CWC22: variants seen among roughly 807,000 people sequenced by gnomAD.
CWC22 encodes the protein CWC22 spliceosome associated protein.
CWC22 carries 53 observed loss-of-function variants against 117.2 expected under a neutral mutation model. That is an observed-to-expected ratio of 0.45 (90% CI 0.36 to 0.57). CWC22 has a LOEUF of 0.57. CWC22 is among the 20% of genes least tolerant of loss of function. CWC22 has a pLI of 0.00. For missense variants in CWC22, 980 were observed against 1,068.8 expected (o/e 0.92, Z 1.16); for synonymous variants, 360 against 355.6 (o/e 1.01, Z -0.14).
intron 5 of CWC22, among the ~76,000 whole-genome samples, chr2:179,979,882 T>C (rs1687245560): frequency 6.6e-6 from 1 of 152,202 alleles, no homozygotes; most frequent in Admixed American, 6.5e-5. Context: ...AATACAATTA[T>C]ACATCCTAAT....
At chr2:179,997,819 A>C (rs1687745875) in intron 1 of CWC22, among the ~76,000 whole-genome samples, 1 of 152,220 alleles carries the variant, frequency 6.6e-6, no homozygotes. Flanking sequence ...TCTAGGTATA[A>C]GAAACAAATC....
intron 11 of CWC22, among the ~76,000 whole-genome samples, chr2:179,968,778 G>A (rs1196889487): frequency 6.6e-6 from 1 of 151,868 alleles, no homozygotes; most frequent in Non-Finnish European, 1.5e-5. Context: ...ATGTTGGTCA[G>A]ACTAGTCTCG....
At chr2:179,977,415 G>A (rs1687178716) in intron 6 of CWC22, among the ~76,000 whole-genome samples, 1 of 152,150 alleles carries the variant, frequency 6.6e-6, no homozygotes, top group Non-Finnish European at 1.5e-5. Flanking sequence ...TGTCATTTGG[G>A]AAAACACAGG....
intron 13 of CWC22, among the ~76,000 whole-genome samples, chr2:179,962,475 G>C (rs17778665): frequency 0.15 from 22,158 of 151,948 alleles, 1,993 homozygotes; most frequent in Admixed American, 0.29. Context: ...TTACAGTTAA[G>C]AAAATACTAC....
At chr2:179,956,846 A>T (rs1237579020) in intron 14 of CWC22, among the ~76,000 whole-genome samples, 2 of 152,008 alleles carry the variant, frequency 1.3e-5, no homozygotes, top group African/African-American at 2.4e-5. Context: ...TAAACAACAA[A>T]ACATGGTAAT....
At chr2:179,950,350 A>G (rs766461902) in intron 19 of CWC22, among the ~76,000 whole-genome samples, 162 bp downstream of exon 19, 20 of 152,198 alleles carry the variant, frequency 1.3e-4, no homozygotes, top group Non-Finnish European at 2.6e-4. Flanking sequence ...ATGTTGTATT[A>G]CAGACTGCAA....
At chr2:179,979,727 A>C (rs1687241537) in intron 5 of CWC22, among the ~76,000 whole-genome samples, 5 of 152,212 alleles carry the variant, frequency 3.3e-5, no homozygotes, top group Admixed American at 3.3e-4. Context: ...AAGGTGGACT[A>C]TTCCACTGTT....
At chr2:179,968,908 C>T (rs1009875574) in intron 11 of CWC22, among the ~76,000 whole-genome samples, 1 of 152,074 alleles carries the variant, frequency 6.6e-6, no homozygotes, top group African/African-American at 2.4e-5. Context: ...TTTATGTTAA[C>T]ATATACTAGG....
chr2:179,953,590 G>A (rs1335801876), intron 16 of CWC22, among the ~76,000 whole-genome samples: 2 of 152,078 alleles, frequency 1.3e-5, no homozygotes, highest in South Asian at 2.1e-4. Flanking sequence ...TATAAGTGGT[G>A]GCTAACTAAC....
intron 19 of CWC22, among the ~76,000 whole-genome samples, chr2:179,945,917 T>A (rs1212251125): frequency 1.3e-5 from 2 of 152,146 alleles, no homozygotes; most frequent in Admixed American, 1.3e-4. Context: ...AGTTTTGCTC[T>A]TGTTGCCCAG....
chr2:179,962,749 T>C (rs1177089127), intron 13 of CWC22, among the ~76,000 whole-genome samples: 3 of 152,074 alleles, frequency 2.0e-5, no homozygotes, highest in Admixed American at 6.6e-5. Context: ...CAAAAAGCCC[T>C]TGATTCACAT....
rs1028803239 is a variant in CWC22 at position 179,964,610 on chromosome 2, T to C, written c.1334A>G (p.His445Arg). ...GACCAGGTTAATTTCTGTTTTGTCATGAATAGTTACTTTTTGTCCTGAAAG... is the reference window on the plus strand; with the variant it reads ...GACCAGGTTAATTTCTGTTTTGTCACGAATAGTTACTTTTTGTCCTGAAAG... ...EDEEGQKVTI[H>R]DKTEINLVSF... is the part of the protein sequence containing the mutation. Residue 445 changes from histidine to arginine, a missense_variant, in exon 13 of 20, where the codon CAT (histidine) becomes CGT (arginine). Around this residue, in one of 3 missense-constraint regions of CWC22, gnomAD observed 559 missense variants for 602.3 expected, o/e 0.93. Transcript: ENST00000410053. The C allele has an allele frequency of 4.5e-6, 7 of 1,550,126 alleles. No individual in the cohort carries two copies. Among genetic ancestry groups the C allele is most frequent in the South Asian group, 1.2e-5 (1 of 83,658 alleles).
chr2:179,980,925 A>G (rs1365091347), intron 5 of CWC22, among the ~76,000 whole-genome samples: 3 of 152,200 alleles, frequency 2.0e-5, no homozygotes, highest in Non-Finnish European at 4.4e-5. Context: ...TCATCCTATT[A>G]GAGAAAAATA....
intron 4 of CWC22, among the ~76,000 whole-genome samples, chr2:179,986,174 G>T (rs1007216373): frequency 6.6e-6 from 1 of 152,028 alleles, no homozygotes; most frequent in Non-Finnish European, 1.5e-5. Flanking sequence ...TTAGCCACAG[G>T]AACAGGTGGG....
At position 179,993,374 on chromosome 2, in the gene CWC22, A is replaced by G. The variant is rs1034083538; in HGVS notation, c.-33T>C. 1.0e-5 allele frequency: 16 copies of G among 1,536,368 alleles called. 1 individual carries two copies. Among genetic ancestry groups the G allele is most frequent in the East Asian group, 4.7e-5 (2 of 42,304 alleles). On this transcript the variant is annotated 5_prime_UTR_variant, in exon 2 of 20. Coordinates refer to ENST00000410053, the MANE Select transcript of CWC22 (RefSeq NM_020943.3). Reference sequence around the variant, plus strand: ...TGCCAGTTGGTCCAATAAATCAAAGATGCTTCAAACTGGTCCAAATAACAA... The same window carrying G: ...TGCCAGTTGGTCCAATAAATCAAAGGTGCTTCAAACTGGTCCAAATAACAA...
chr2:179,946,547 G>A (rs550325906), intron 19 of CWC22, among the ~76,000 whole-genome samples: 17 of 151,326 alleles, frequency 1.1e-4, no homozygotes, highest in Admixed American at 9.9e-4. Flanking sequence ...TTTTGATCTC[G>A]AGATTTAAGA....
At position 179,973,206 on chromosome 2, in the gene CWC22, A is replaced by T; in HGVS notation, c.791T>A (p.Ile264Asn). The T allele has an allele frequency of 6.2e-7, 1 of 1,600,868 alleles. No homozygotes were observed. Among genetic ancestry groups the T allele is most frequent in the Non-Finnish European group, 8.5e-7 (1 of 1,172,788 alleles). ...ATAATTACTTACCACATTTTGGTTA[A>T]TAAGATGCGCCACAAATTTTGAAGC... ...LTASKFVAHL[I>N]NQNVAHEVLC... is the part of the protein sequence containing the mutation. Residue 264 changes from isoleucine to asparagine, a missense_variant, in exon 8 of 20, where the codon ATT becomes AAT. Physicochemically the swap from Ile to Asn is moderately radical, Grantham distance 149 (BLOSUM62 -3). Coordinates refer to ENST00000410053, the MANE Select transcript of CWC22 (RefSeq NM_020943.3).
rs558860357 is a variant in CWC22, at chr2:179,973,583, T to G, written c.750+51A>C. ...CTTGCTTACTTTTGTTGATACTGGT[T>G]TGTTAGTTTGTTCCTATGTATCATT... On this transcript the variant is annotated intron_variant, in intron 7 of 19. Coordinates refer to ENST00000410053, the MANE Select transcript of CWC22 (RefSeq NM_020943.3). 8.7e-6 allele frequency: 10 copies of G among 1,150,416 alleles called. No homozygotes were observed. In the South Asian group the frequency reaches 1.4e-4, roughly 17 times the overall value. The allele number at this position is 1,150,416 out of a possible 1,614,324, so 71.3% of individuals were successfully genotyped here. A position where few individuals can be genotyped will look rare whatever the true frequency, so the allele number is the denominator to read the frequency against.
At chr2:179,962,153 G>A (rs944004278) in intron 13 of CWC22, among the ~76,000 whole-genome samples, 4 of 152,094 alleles carry the variant, frequency 2.6e-5, no homozygotes, top group African/African-American at 9.7e-5. Flanking sequence ...AGGCAATTGT[G>A]TAGTTTAATG....
Sources: allele counts gnomAD v4.1 joint callset (sites outside exome capture counted in the v4.1 genomes callset), GRCh38; gene constraint gnomAD v4.1.1; regional missense constraint gnomAD v4.1.1; transcripts MANE v1.5; gene names NCBI Gene and HGNC (gene_info 2026-07-23, HGNC 2026-07-21).